Variants in COMP observed in about 807,000 individuals in gnomAD.
COMP encodes the protein cartilage oligomeric matrix protein.
Under a neutral mutation model 95.8 loss-of-function variants are expected in COMP, and 79 were observed. The observed-to-expected ratio is 0.82, with a 90% CI of 0.69 to 0.99. COMP has a LOEUF of 0.99. Among genes scored for constraint, COMP ranks in the 50% least tolerant of loss-of-function variants. The pLI, the probability that COMP is intolerant of heterozygous loss-of-function variation, is 0.00. For synonymous variants in COMP, 438 were observed against 433.9 expected (o/e 1.01, Z -0.12); for missense variants, 906 against 1,076.1 (o/e 0.84, Z 2.21).
chr19:18,787,864 C>CTTTTTCTTTTTCTTTCTCTT (rs56093208), intron 9 of COMP, among the ~76,000 whole-genome samples: 2 of 108,894 alleles, frequency 1.8e-5, no homozygotes, highest in South Asian at 3.3e-4. Flanking sequence ...TTTTCTTTTT[C>CTTTTTCTTTTTCTTTCTCTT]TCTTTCTTTC....
At chr19:18,785,878 G>T (rs777269967) in intron 13 of COMP, 27 bp from the exon 14 acceptor site, 1 of 1,607,986 alleles carries the variant, frequency 6.2e-7, no homozygotes, top group East Asian at 2.2e-5. Flanking sequence ...CCCTCGGTGG[G>T]CTAAAGTCAG....
At chr19:18,787,976 T>A (rs1355828298) in intron 9 of COMP, among the ~76,000 whole-genome samples, 2 of 151,338 alleles carry the variant, frequency 1.3e-5, no homozygotes, top group South Asian at 2.1e-4. Context: ...CGATCTCGGC[T>A]GACTGCAACC....
In COMP at chr19:18,785,417, C is replaced by T. The variant is rs188276215; in HGVS notation, c.1717+81G>A. 5.3e-4 allele frequency: 806 copies of T among 1,516,188 alleles called. 6 individuals are homozygous for T. In the African/African-American group the frequency reaches 0.01, roughly 20 times the overall value. 93.9% of individuals were successfully genotyped at this position (1,516,188 alleles called of 1,614,324 possible). A position where few individuals can be genotyped will look rare whatever the true frequency, so the allele number is the denominator to read the frequency against. Reference sequence around the variant, plus strand: ...CAGCCCCCTTCTGGCCCCGCCCATTCTCAGCCCGGGCCTGCCCCTTCTCTG... The same window carrying T: ...CAGCCCCCTTCTGGCCCCGCCCATTTTCAGCCCGGGCCTGCCCCTTCTCTG... On this transcript the variant is annotated intron_variant, in intron 15 of 18. Coordinates refer to ENST00000222271, the MANE Select transcript of COMP (RefSeq NM_000095.3).
intron 9 of COMP, among the ~76,000 whole-genome samples, chr19:18,787,871 T>TTTCC (rs1491162277): frequency 3.7e-5 from 2 of 54,192 alleles, no homozygotes; most frequent in African/African-American, 1.0e-4. Context: ...TTTCTCTTTC[T>TTTCC]TTCTTTCTTT....
At chr19:18,786,317 CATA>C (rs2055167121) in intron 11 of COMP, 26 bp from the exon 12 acceptor site, 2 of 1,613,406 alleles carry the variant, frequency 1.2e-6, no homozygotes, top group African/African-American at 2.7e-5. Context: ...TGCGGGGGTC[CATA>C]ATCAGACAGA....
intron 3 of COMP, 49 bp from the exon 4 acceptor site, chr19:18,790,163 CG>C: frequency 2.8e-6 from 4 of 1,415,348 alleles, no homozygotes; most frequent in Non-Finnish European, 2.8e-6. Context: ...GTGGCTCGCC[CG>C]GGGGCAGAGC....
Position 18,784,156 on chromosome 19 carries a change from C to G in COMP, c.2087+35G>C. On this transcript the variant is annotated intron_variant, in intron 17 of 18. Coordinates refer to ENST00000222271, the MANE Select transcript of COMP (RefSeq NM_000095.3). The surrounding 1 kb of genome is among the most constrained non-coding windows in gnomAD (Gnocchi z 4.9). ...CACTCCCACCTGGGCCTGTGTGTCC[C>G]CAGCCCAGCCCACCACAGAGGGTGG... 1 of 1,611,338 alleles carries G rather than the reference C, an allele frequency of 6.2e-7. No individual in the cohort carries two copies.
chr19:18,783,497 C>T (rs1032583269), intron 17 of COMP, among the ~76,000 whole-genome samples: 1 of 152,176 alleles, frequency 6.6e-6, no homozygotes, highest in African/African-American at 2.4e-5. Context: ...GGGTCTCGCT[C>T]TGTCACCCAG....
chr19:18,788,858 G>C lies in COMP; in HGVS notation c.584C>G (p.Ser195Cys), dbSNP rs764412772. The C allele has an allele frequency of 6.2e-7, 1 of 1,613,882 alleles. No individual in the cohort carries two copies. The highest frequency in any genetic ancestry group is 1.3e-5 in the African/African-American group (1 of 74,950). The change falls in exon 6 of 19, where the codon TCC becomes TGC. Residue 195 changes from serine (S) to cysteine (C), a missense_variant. Transcript: ENST00000222271. This position sits in a 1 kb window ranked among gnomAD's most constrained non-coding sequence, Gnocchi z 4.7. Reference protein sequence around the residue: ...ETGQHNCVPNSVCINTRGSFQ... With the variant: ...ETGQHNCVPNCVCINTRGSFQ... ...CCTTACCCGGGTGTTGATGCACACG[G>C]AGTTGGGGACGCAGTTATGTTGCCC...
Position 18,788,088 on chromosome 19 carries a change from G to C in COMP, c.975+124C>G. ...CCCGCTAATTTTTGTATTTTTAGTA[G>C]AGGAGGGGTTTCACCATGATGGCCA... On this transcript the variant is annotated intron_variant, in intron 9 of 18. Coordinates refer to ENST00000222271, the MANE Select transcript of COMP (RefSeq NM_000095.3). The surrounding 1 kb of genome is among the most constrained non-coding windows in gnomAD (Gnocchi z 4.7). 2.5e-6 allele frequency: 2 copies of C among 801,168 alleles called. No homozygotes were observed. Among genetic ancestry groups the C allele is most frequent in the Admixed American group, 2.0e-5 (1 of 49,076 alleles). 49.6% of individuals were successfully genotyped at this position (801,168 alleles called of 1,614,324 possible). A position where few individuals can be genotyped will look rare whatever the true frequency, so the allele number is the denominator to read the frequency against.
In COMP at chr19:18,788,738, A is replaced by C; in HGVS notation, c.616T>G (p.Cys206Gly). 3.8e-6 allele frequency: 6 copies of C among 1,559,396 alleles called. No homozygotes were observed. The highest frequency in any genetic ancestry group is 2.3e-5 in the East Asian group (1 of 42,658). Reference protein sequence around the residue: ...VCINTRGSFQCGPCQPGFVGD... With the variant: ...VCINTRGSFQGGPCQPGFVGD... ...ACGAAGCCGGGCTGGCACGGGCCGCACTGGAAGGAGCCCTGCGCCGGAGCC... is the reference window on the plus strand; with the variant it reads ...ACGAAGCCGGGCTGGCACGGGCCGCCCTGGAAGGAGCCCTGCGCCGGAGCC... The change falls in exon 7 of 19, where the codon TGC becomes GGC. Residue 206 changes from cysteine to glycine, a missense_variant. By Grantham distance (159) the Cys-to-Gly change is radical (BLOSUM62 -3). Transcript: ENST00000222271. This position sits in a 1 kb window ranked among gnomAD's most constrained non-coding sequence, Gnocchi z 4.7.
chr19:18,783,172 A>G lies in COMP; in HGVS notation c.2109T>C (p.Pro703=), dbSNP rs986471982. The G allele has an allele frequency of 6.2e-7, 1 of 1,609,004 alleles. No homozygotes were observed. The highest frequency in any genetic ancestry group is 8.5e-7 in the Non-Finnish European group (1 of 1,179,954). ...CCACGTTGCTGTCGGCCACCAGCTC[A>G]GGGCCCTCATAGAATCGCACCCTGA... ...GYIRVRFYEG[P]ELVADSNVVL... Residue 703 remains proline, a synonymous_variant, in exon 18 of 19, where the codon CCT becomes CCC. Coordinates refer to ENST00000222271, the MANE Select transcript of COMP (RefSeq NM_000095.3).
At position 18,787,633 on chromosome 19, in the gene COMP, CA is replaced by C; in HGVS notation, c.992del (p.Val331GlyfsTer73). The C allele has an allele frequency of 1.2e-6, 2 of 1,613,948 alleles. No individual in the cohort carries two copies. The highest frequency in any genetic ancestry group is 2.2e-5 in the South Asian group (2 of 91,088). ...CCGTGTTGCGCTGGTCTGGGTTCCG[CA>C]CCAGCGGGCAGTTGTCCTGGATGAC... ...VPNEKDNCPL[V>X]RNPDQRNTDE... On this transcript the variant is annotated frameshift_variant, in exon 10 of 19. Transcript: ENST00000222271. LOFTEE classifies it high-confidence loss of function.
In COMP at chr19:18,789,186, G is replaced by A; in HGVS notation, c.502C>T (p.Leu168=). 1.3e-6 allele frequency: 2 copies of A among 1,573,926 alleles called. No homozygotes were observed. Among genetic ancestry groups the A allele is most frequent in the African/African-American group, 1.4e-5 (1 of 72,942 alleles). The change falls in exon 5 of 19, where the codon CTG becomes TTG. Residue 168 remains leucine (L), a synonymous_variant. Transcript: ENST00000222271. This position sits in a 1 kb window ranked among gnomAD's most constrained non-coding sequence, Gnocchi z 6.1. The part of the protein sequence containing the change: ...YSGPTHQGVG[L]AFAKANKQVC... ...TGCTTGTTGGCCTTGGCGAAAGCCA[G>A]CCCCACGCCCTGGTGGGTGGGGCCG...
rs28494505 is a variant in COMP, at chr19:18,783,001, A to G, written c.2228-40T>C. The G allele has an allele frequency of 0.17, 267,515 of 1,611,948 alleles. 24,206 individuals carry two copies. Among genetic ancestry groups the G allele is most frequent in the African/African-American group, 0.36 (27,267 of 74,984 alleles). ...CAGGCGGGTGAGGGCTGAGAAGGCC[A>G]GCAGGGCCTGTGTGCAGACTCCCCG... On this transcript the variant is annotated intron_variant, in intron 18 of 18. Coordinates refer to ENST00000222271, the MANE Select transcript of COMP (RefSeq NM_000095.3).
In COMP at chr19:18,785,681, G is replaced by A. The variant is rs1196962106; in HGVS notation, c.1660C>T (p.Leu554Phe). 4 of 1,613,320 alleles carry A rather than the reference G, an allele frequency of 2.5e-6. No homozygotes were observed. In the South Asian group the frequency reaches 3.3e-5, roughly 13 times the overall value. The change falls in exon 14 of 19, where the codon CTC (leucine) becomes TTC (phenylalanine). Residue 554 changes from leucine (L) to phenylalanine (F), a missense_variant. Leu to Phe is a conservative substitution (Grantham distance 22, BLOSUM62 0). Transcript: ENST00000222271. ...GTGGACCCCGCTCCCACCTGGTTGA[G>A]CACCACCCAGTTGGGGTCAATCTGC... ...DAQIDPNWVV[L>F]NQGREIVQTM...
rs916400461 is a variant in COMP at position 18,785,099 on chromosome 19, A to G, written c.1718-7T>C. On this transcript the variant is annotated splice_polypyrimidine_tract_variant and splice_region_variant and intron_variant, in intron 15 of 18. Coordinates refer to ENST00000222271, the MANE Select transcript of COMP (RefSeq NM_000095.3). Reference sequence around the variant, plus strand: ...CCATTGAAGGCAGTGTAACCTAGGGATGGAAAGAGAGCAGTGGCCTTTCCG... The same window carrying G: ...CCATTGAAGGCAGTGTAACCTAGGGGTGGAAAGAGAGCAGTGGCCTTTCCG... The G allele has an allele frequency of 6.2e-7, 1 of 1,613,530 alleles. No homozygotes were observed. Among genetic ancestry groups the G allele is most frequent in the African/African-American group, 1.3e-5 (1 of 74,882 alleles).
In COMP at chr19:18,789,365, T is replaced by G; in HGVS notation, c.391-68A>C. The G allele has an allele frequency of 1.4e-6, 2 of 1,381,362 alleles. No individual in the cohort carries two copies. The highest frequency in any genetic ancestry group is 1.9e-6 in the Non-Finnish European group (2 of 1,054,386). The allele number at this position is 1,381,362 out of a possible 1,614,324, so 85.6% of individuals were successfully genotyped here. Reference sequence around the variant, plus strand: ...GGGCCCTGGGGGCCGCACCTCGTAGTGTCTCGGATGTGGAAAGTTCAAGGG... The same window carrying G: ...GGGCCCTGGGGGCCGCACCTCGTAGGGTCTCGGATGTGGAAAGTTCAAGGG... On this transcript the variant is annotated intron_variant, in intron 4 of 18. Coordinates refer to ENST00000222271, the MANE Select transcript of COMP (RefSeq NM_000095.3). This position sits in a 1 kb window ranked among gnomAD's most constrained non-coding sequence, Gnocchi z 6.1.
Position 18,786,782 on chromosome 19 carries a change from T to C in COMP, c.1136-132A>G. Reference sequence around the variant, plus strand: ...TGGAAGCTTTTTTTTTTTTTTTTTTTTTTTTTTTTTGAGACAGTCTCATTG... The same window carrying C: ...TGGAAGCTTTTTTTTTTTTTTTTTTCTTTTTTTTTTGAGACAGTCTCATTG... On this transcript the variant is annotated intron_variant, in intron 10 of 18. Transcript: ENST00000222271. 5.7e-6 allele frequency: 3 copies of C among 522,096 alleles called. 1 individual carries two copies. Among genetic ancestry groups the C allele is most frequent in the Non-Finnish European group, 1.0e-5 (3 of 301,032 alleles). 32.3% of individuals were successfully genotyped at this position (522,096 alleles called of 1,614,324 possible). A position where few individuals can be genotyped will look rare whatever the true frequency, so the allele number is the denominator to read the frequency against.
Sources: gnomAD v4.1 joint callset for allele counts (sites outside exome capture counted in the v4.1 genomes callset) on GRCh38, gnomAD v4.1.1 for gene constraint, Gnocchi (gnomAD v3.1) non-coding constraint, MANE v1.5 for transcripts, NCBI Gene and HGNC (gene_info 2026-07-23, HGNC 2026-07-21) for gene names.